Variants in CSRNP3 observed in about 807,000 individuals in gnomAD.
CSRNP3 encodes cysteine and serine rich nuclear protein 3.
Under a neutral mutation model 48.0 loss-of-function variants are expected in CSRNP3, and 12 were observed. The ratio of observed to expected loss-of-function variants is 0.25; its 90% CI spans 0.16 to 0.41. The LOEUF (loss-of-function observed/expected upper bound fraction) is 0.41, where lower values mean the gene tolerates loss of function less well. CSRNP3 is among the 10% of genes least tolerant of loss of function. The pLI is 1.00. For synonymous variants in CSRNP3, 263 were observed against 269.7 expected, an observed-to-expected ratio of 0.98 and a Z score of 0.24; for missense variants, 580 against 724.4, an observed-to-expected ratio of 0.80 and a Z score of 2.29.
chr2:165,472,528 G>A (rs944566387), intron 1 of CSRNP3, among the ~76,000 whole-genome samples: 2 of 151,346 alleles, frequency 1.3e-5, no homozygotes, highest in African/African-American at 4.9e-5. Context: ...TTCTACCCTA[G>A]GCAATTCCTT....
intron 4 of CSRNP3, among the ~76,000 whole-genome samples, chr2:165,638,086 AT>A (rs1686661678): frequency 6.6e-6 from 1 of 152,162 alleles, no homozygotes; most frequent in Admixed American, 6.6e-5. Flanking sequence ...TTACTCAACC[AT>A]TTCTATGAAG....
intron 3 of CSRNP3, among the ~76,000 whole-genome samples, chr2:165,550,156 A>G (rs1017406145): frequency 6.6e-6 from 1 of 152,198 alleles, no homozygotes; most frequent in African/African-American, 2.4e-5. Flanking sequence ...AAAAACAAGG[A>G]CATTAATAAA....
chr2:165,479,209 G>A (rs961997757), intron 1 of CSRNP3, among the ~76,000 whole-genome samples: 2 of 151,990 alleles, frequency 1.3e-5, no homozygotes, highest in Non-Finnish European at 2.9e-5. Context: ...ATTAAGTAAC[G>A]TAGGCACACA....
chr2:165,504,436 C>A (rs1305901281), intron 2 of CSRNP3, among the ~76,000 whole-genome samples: 1 of 152,004 alleles, frequency 6.6e-6, no homozygotes, highest in Non-Finnish European at 1.5e-5. Context: ...AGCTTATAAA[C>A]GCTGGCATTA....
rs1279568776 is a variant in CSRNP3, at chr2:165,647,972, G to A, written c.149-9789G>A. ...TTGAAAGTTAAAACGGAGCTTCTGT[G>A]TATTATATAGAACGGGGGGAAAATT... On this transcript the variant is annotated intron_variant, in intron 4 of 6. Transcript: ENST00000651982. Among the ~76,000 whole-genome samples, 3 of 152,114 alleles carry A rather than the reference G, an allele frequency of 2.0e-5. No individual in the cohort carries two copies. In the South Asian group the frequency reaches 6.2e-4, roughly 32 times the overall value.
chr2:165,557,133 T>A (rs748145537), intron 3 of CSRNP3, among the ~76,000 whole-genome samples: 1 of 152,166 alleles, frequency 6.6e-6, no homozygotes, highest in Non-Finnish European at 1.5e-5. Context: ...CTTTAAATAG[T>A]GGTTTAAATT....
At chr2:165,603,190 C>T (rs953216422) in intron 4 of CSRNP3, among the ~76,000 whole-genome samples, 6 of 152,166 alleles carry the variant, frequency 3.9e-5, no homozygotes, top group Admixed American at 1.3e-4. Flanking sequence ...CCACCGCGCC[C>T]GGCCTGAATC....
intron 5 of CSRNP3, among the ~76,000 whole-genome samples, chr2:165,673,162 G>C (rs80176968): frequency 1.8e-5 from 1 of 56,894 alleles, no homozygotes; most frequent in East Asian, 5.4e-4. Context: ...TTTTGAGACA[G>C]GGCATCACTC....
chr2:165,523,389 ACCATC>A (rs1254014106), intron 3 of CSRNP3, among the ~76,000 whole-genome samples: 4 of 152,098 alleles, frequency 2.6e-5, no homozygotes, highest in African/African-American at 7.2e-5. Flanking sequence ...TTTCTTCACC[ACCATC>A]CAATTTCTGT....
chr2:165,648,299 T>C (rs1686847236), intron 4 of CSRNP3, among the ~76,000 whole-genome samples: 1 of 152,110 alleles, frequency 6.6e-6, no homozygotes, highest in Admixed American at 6.6e-5. Flanking sequence ...TGGTACAATT[T>C]TACATATAAT....
rs1280799710 is a variant in CSRNP3 at position 165,595,044 on chromosome 2, T to C, written c.-22T>C. ...CTGTTGCTCTCCTTCCTGTTACAGG[T>C]ACATGTGACAGCACTGCAGCGATGA... On this transcript the variant is annotated splice_region_variant and 5_prime_UTR_variant, in exon 4 of 7. Transcript: ENST00000651982. 3 of 1,613,386 alleles carry C rather than the reference T, an allele frequency of 1.9e-6. No homozygotes were observed. The highest frequency in any genetic ancestry group is 2.5e-6 in the Non-Finnish European group (3 of 1,179,704).
chr2:165,616,773 C>A (rs181276425), intron 4 of CSRNP3, among the ~76,000 whole-genome samples: 8 of 152,234 alleles, frequency 5.3e-5, no homozygotes, highest in Admixed American at 2.6e-4. Context: ...GTTTCAGCTT[C>A]TTGTGTTTGG....
chr2:165,660,609 A>G (rs1313668970), intron 5 of CSRNP3, among the ~76,000 whole-genome samples: 2 of 152,298 alleles, frequency 1.3e-5, no homozygotes, highest in South Asian at 2.1e-4. Flanking sequence ...TCACAAACCT[A>G]CAGCAACCTT....
intron 4 of CSRNP3, among the ~76,000 whole-genome samples, chr2:165,602,896 AT>A (rs547725007): frequency 6.6e-6 from 1 of 151,016 alleles, no homozygotes; most frequent in Non-Finnish European, 1.5e-5. Flanking sequence ...TTATTTTTTT[AT>A]TTTTTTTAAT....
chr2:165,487,860 A>G (rs1463014286), intron 1 of CSRNP3, among the ~76,000 whole-genome samples: 1 of 144,100 alleles, frequency 6.9e-6, no homozygotes, highest in Admixed American at 7.0e-5. Flanking sequence ...TGTAAAGAAC[A>G]TCGAGACTAG....
intron 3 of CSRNP3, among the ~76,000 whole-genome samples, chr2:165,578,040 C>G (rs1029321846): frequency 4.0e-5 from 6 of 151,884 alleles, no homozygotes; most frequent in Non-Finnish European, 7.4e-5. Flanking sequence ...TAATATTAAA[C>G]TATCAACAGA....
intron 3 of CSRNP3, among the ~76,000 whole-genome samples, chr2:165,588,119 G>C (rs955842875): frequency 1.3e-5 from 2 of 152,124 alleles, no homozygotes; most frequent in Admixed American, 1.3e-4. Context: ...GGATTTAGAA[G>C]GTGGTAAATG....
chr2:165,647,659 G>A lies in CSRNP3; in HGVS notation c.149-10102G>A, dbSNP rs1457527104. Among the ~76,000 whole-genome samples, 3 of 152,154 alleles carry A rather than the reference G, an allele frequency of 2.0e-5. No individual in the cohort carries two copies. In the East Asian group the frequency reaches 5.8e-4, roughly 29 times the overall value. On this transcript the variant is annotated intron_variant, in intron 4 of 6. Transcript: ENST00000651982. ...ACTTACATTTTTTGATTTTACAATG[G>A]TGAGAGAGCAGTAGGCATTCAGTAG...
Position 165,684,565 on chromosome 2 carries a change from A to G in CSRNP3, c.*4812A>G, listed in dbSNP as rs1450139685. ...AAACCCAAAGTTTAAAGGCTTGATT[A>G]CTCTATATTAGGTCTAATATGAATT... On this transcript the variant is annotated 3_prime_UTR_variant, in exon 7 of 7. Transcript: ENST00000651982. The G allele has an allele frequency of 6.6e-6, 1 of 151,990 alleles. No individual in the cohort carries two copies. The allele number at this position is 151,990 out of a possible 1,614,324, so 9.4% of individuals were successfully genotyped here. A position where few individuals can be genotyped will look rare whatever the true frequency, so the allele number is the denominator to read the frequency against.
Sources: gnomAD v4.1 joint callset for allele counts (sites outside exome capture counted in the v4.1 genomes callset) on GRCh38, gnomAD v4.1.1 for gene constraint, MANE v1.5 for transcripts, NCBI Gene and HGNC (gene_info 2026-07-23, HGNC 2026-07-21) for gene names.